PAIP2: variants seen among roughly 807,000 people sequenced by gnomAD.
PAIP2 encodes the protein poly(A) binding protein interacting protein 2, also known as polyadenylate-binding protein-interacting protein 2.
In PAIP2, 7 loss-of-function variants were observed where a neutral mutation model predicts 14.8. The observed-to-expected ratio is 0.47, with a 90% CI of 0.27 to 0.89. PAIP2 has a LOEUF of 0.89. Among genes scored for constraint, PAIP2 ranks in the 40% least tolerant of loss-of-function variants. PAIP2 has a pLI of 0.13. For synonymous variants in PAIP2, 47 were observed against 45.3 expected (o/e 1.04, Z -0.15); for missense variants, 122 against 154.7 (o/e 0.79, Z 1.12).
chr5:139,363,381 C>CACCT (rs1757128476), intron 1 of PAIP2, among the ~76,000 whole-genome samples: 1 of 152,094 alleles, frequency 6.6e-6, no homozygotes, highest in African/African-American at 2.4e-5. Flanking sequence ...CTGCCTCTAA[C>CACCT]ACCTATTCAT....
chr5:139,348,716 T>C (rs1433014151), intron 1 of PAIP2, among the ~76,000 whole-genome samples: 9 of 148,990 alleles, frequency 6.0e-5, no homozygotes, highest in South Asian at 4.2e-4. Flanking sequence ...TTCACTCTTA[T>C]TGCTTAGGCT....
In PAIP2 at chr5:139,358,017, C is replaced by G. The variant is rs528132661; in HGVS notation, c.-26-5742C>G. On this transcript the variant is annotated intron_variant, in intron 1 of 3. Transcript: ENST00000265192. ...CTTAAGCATTCCTCTGGAAGTTTAT[C>G]ATTGCATTGGCAGTTCTTTTTAGTA... Among the ~76,000 whole-genome samples the G allele has an allele frequency of 2.6e-5, 4 of 151,936 alleles. No individual in the cohort carries two copies. In the South Asian group the frequency reaches 8.3e-4, roughly 32 times the overall value.
Position 139,352,503 on chromosome 5 carries a change from T to TTTTGTTTTTTTTG in PAIP2, c.-27+10526_-27+10527insGTTTTTTTTGTTT, listed in dbSNP as rs1554153574. Among the ~76,000 whole-genome samples the TTTTGTTTTTTTTG allele has an allele frequency of 4.0e-4, 50 of 124,468 alleles. 3 individuals are homozygous for TTTTGTTTTTTTTG. Among genetic ancestry groups the TTTTGTTTTTTTTG allele is most frequent in the South Asian group, 9.8e-4 (4 of 4,076 alleles). The allele number at this position is 124,468 out of a possible 152,430, so 81.7% of individuals were successfully genotyped here. A position where few individuals can be genotyped will look rare whatever the true frequency, so the allele number is the denominator to read the frequency against. On this transcript the variant is annotated intron_variant, in intron 1 of 3. Coordinates refer to ENST00000265192, the MANE Select transcript of PAIP2 (RefSeq NM_016480.5). ...ATTCCTGCCAGTTTTTTTTTTGTTGTTTTTTTTTTTTGAGATGGAGTTTCG... is the reference window on the plus strand; with the variant it reads ...ATTCCTGCCAGTTTTTTTTTTGTTGTTTTGTTTTTTTTGTTTTTTTTTTTGAGATGGAGTTTCG...
At chr5:139,362,400 T>C (rs1463309480) in intron 1 of PAIP2, among the ~76,000 whole-genome samples, 2 of 143,416 alleles carry the variant, frequency 1.4e-5, no homozygotes, top group African/African-American at 5.2e-5. Context: ...TTTTTGTTTT[T>C]GGGTGTTTTT....
At chr5:139,357,789 C>CGACT (rs1226584247) in intron 1 of PAIP2, among the ~76,000 whole-genome samples, 1 of 152,098 alleles carries the variant, frequency 6.6e-6, no homozygotes, top group Non-Finnish European at 1.5e-5. Context: ...TGAGATTACG[C>CGACT]GACTACACTC....
intron 1 of PAIP2, among the ~76,000 whole-genome samples, chr5:139,349,254 G>C (rs1756652639): frequency 6.6e-6 from 1 of 151,992 alleles, no homozygotes; most frequent in African/African-American, 2.4e-5. Flanking sequence ...TGTTGTTGTT[G>C]TTGTTTTTCT....
intron 1 of PAIP2, among the ~76,000 whole-genome samples, chr5:139,356,627 C>T (rs1246631689): frequency 6.6e-6 from 1 of 151,822 alleles, no homozygotes; most frequent in Non-Finnish European, 1.5e-5. Flanking sequence ...CGCCTGTAAT[C>T]CCAACACTTT....
At chr5:139,348,163 AACT>A (rs1456186991) in intron 1 of PAIP2, among the ~76,000 whole-genome samples, 9 of 151,600 alleles carry the variant, frequency 5.9e-5, no homozygotes, top group Non-Finnish European at 1.0e-4. Context: ...AAAAAAAAAA[AACT>A]ACGAGTGATG....
At chr5:139,347,029 A>G (rs556541387) in intron 1 of PAIP2, among the ~76,000 whole-genome samples, 1 of 152,124 alleles carries the variant, frequency 6.6e-6, no homozygotes, top group African/African-American at 2.4e-5. Flanking sequence ...GGCCGGTCTC[A>G]AACTCCTCAC....
At chr5:139,365,657 C>T (rs1339537396) in intron 3 of PAIP2, among the ~76,000 whole-genome samples, 1 of 149,294 alleles carries the variant, frequency 6.7e-6, no homozygotes, top group Non-Finnish European at 1.5e-5. Flanking sequence ...CACAGCAAGA[C>T]TGTCTCAAAA....
intron 1 of PAIP2, among the ~76,000 whole-genome samples, chr5:139,357,702 G>A (rs987254131): frequency 5.3e-5 from 8 of 152,140 alleles, no homozygotes; most frequent in South Asian, 2.1e-4. Flanking sequence ...ATGGTGGCAC[G>A]CGCCTGTAGT....
chr5:139,365,723 G>A (rs1316208858), intron 3 of PAIP2, among the ~76,000 whole-genome samples: 2 of 151,808 alleles, frequency 1.3e-5, no homozygotes, highest in Non-Finnish European at 2.9e-5. Flanking sequence ...AGAGTCTCAC[G>A]ACATGGAATC....
At chr5:139,365,363 G>A (rs999012982) in intron 3 of PAIP2, among the ~76,000 whole-genome samples, 6 of 151,616 alleles carry the variant, frequency 4.0e-5, no homozygotes, top group African/African-American at 1.5e-4. Flanking sequence ...GTGCATGCCT[G>A]TAAGTAATCC....
At chr5:139,358,048 G>A (rs958699819) in intron 1 of PAIP2, among the ~76,000 whole-genome samples, 1 of 151,860 alleles carries the variant, frequency 6.6e-6, no homozygotes, top group African/African-American at 2.4e-5. Flanking sequence ...TAGTAGTTCT[G>A]TAGAGATAGG....
At chr5:139,351,799 C>G (rs1259930190) in intron 1 of PAIP2, among the ~76,000 whole-genome samples, 1 of 152,030 alleles carries the variant, frequency 6.6e-6, no homozygotes, top group African/African-American at 2.4e-5. Flanking sequence ...ATTGGGTCTA[C>G]AGGTGAACAC....
intron 1 of PAIP2, among the ~76,000 whole-genome samples, chr5:139,344,289 G>T (rs912724871): frequency 1.3e-5 from 2 of 152,130 alleles, no homozygotes; most frequent in Non-Finnish European, 2.9e-5. Flanking sequence ...CAGGTCTAGG[G>T]TACTTTAAGG....
intron 2 of PAIP2, chr5:139,364,155 G>A (rs1757151211): frequency 4.0e-6 from 2 of 499,240 alleles, no homozygotes; most frequent in Non-Finnish European, 7.1e-6. Flanking sequence ...GGAGGATGAG[G>A]GTGGAGCCTG....
intron 1 of PAIP2, among the ~76,000 whole-genome samples, chr5:139,350,046 G>A (rs542549615): frequency 1.3e-5 from 2 of 151,708 alleles, no homozygotes; most frequent in East Asian, 3.9e-4. Context: ...GTGGTGGCGG[G>A]CGCCTGTAAT....
At chr5:139,357,068 C>T (rs1042533280) in intron 1 of PAIP2, among the ~76,000 whole-genome samples, 5 of 152,068 alleles carry the variant, frequency 3.3e-5, no homozygotes, top group Non-Finnish European at 5.9e-5. Context: ...CTTCCATTAG[C>T]TTAGTGGTCA....
Sources: gnomAD v4.1 joint callset for allele counts (sites outside exome capture counted in the v4.1 genomes callset) on GRCh38, gnomAD v4.1.1 for gene constraint, MANE v1.5 for transcripts, NCBI Gene and HGNC (gene_info 2026-07-23, HGNC 2026-07-21) for gene names.